RNF144B: variants seen among roughly 807,000 people sequenced by gnomAD.
The protein encoded by RNF144B is E3 ubiquitin-protein ligase RNF144B.
RNF144B carries 25 observed loss-of-function variants against 40.2 expected under a neutral mutation model. That is an observed-to-expected ratio of 0.62 (90% confidence interval 0.45 to 0.87). The LOEUF (loss-of-function observed/expected upper bound fraction) is 0.87, where lower values mean the gene tolerates loss of function less well. Ranked by LOEUF, RNF144B falls within the 40% of genes least tolerant of loss-of-function variation. The pLI is 0.00. For missense variants in RNF144B, 365 were observed against 373.7 expected (o/e 0.98, Z 0.19); for synonymous variants, 145 against 136.3 (o/e 1.06, Z -0.44).
chr6:18,403,631 C>T (rs927079567), intron 2 of RNF144B, among the ~76,000 whole-genome samples: 8 of 152,148 alleles, frequency 5.3e-5, no homozygotes, highest in South Asian at 4.1e-4. Flanking sequence ...TGGGGCCTGT[C>T]GGGTGACCTT....
intron 4 of RNF144B, among the ~76,000 whole-genome samples, chr6:18,453,981 G>T (rs1759273944): frequency 6.6e-6 from 1 of 152,162 alleles, no homozygotes; most frequent in South Asian, 2.1e-4. Context: ...GCTGTCATGG[G>T]TTTTGGTTAA....
chr6:18,393,301 A>G (rs1794624505), intron 1 of RNF144B, among the ~76,000 whole-genome samples: 1 of 152,152 alleles, frequency 6.6e-6, no homozygotes, highest in Admixed American at 6.6e-5. Context: ...TTGAATGACC[A>G]GAGAGCTGGT....
In RNF144B at chr6:18,405,687, A is replaced by G. The variant is rs1268120940; in HGVS notation, c.165+5988A>G. 6.6e-6 allele frequency among the ~76,000 whole-genome samples: 1 copy of G among 152,188 alleles called. No individual in the cohort carries two copies. The highest frequency in any genetic ancestry group is 1.5e-5 in the Non-Finnish European group (1 of 68,028). ...TTGGCACTATATTTTTCCACTGACA[A>G]CGGAGCCACTGCAGGGTCAGATGGC... On this transcript the variant is annotated intron_variant, in intron 2 of 7. Coordinates refer to ENST00000259939, the MANE Select transcript of RNF144B (RefSeq NM_182757.4). This position sits in a 1 kb window ranked among gnomAD's most constrained non-coding sequence, Gnocchi z 4.5.
At chr6:18,413,203 C>T (rs973776336) in intron 2 of RNF144B, among the ~76,000 whole-genome samples, 2 of 148,182 alleles carry the variant, frequency 1.3e-5, no homozygotes, top group East Asian at 2.5e-4. Context: ...TATGTGGTTC[C>T]TAAATTTTTT....
At position 18,459,331 on chromosome 6, in the gene RNF144B, A is replaced by G. The variant is rs1759401573; in HGVS notation, c.537-276A>G. Among the ~76,000 whole-genome samples, 1 of 152,204 alleles carries G rather than the reference A, an allele frequency of 6.6e-6. No individual in the cohort carries two copies. The highest frequency in any genetic ancestry group is 1.5e-5 in the Non-Finnish European group (1 of 68,034). On this transcript the variant is annotated intron_variant, in intron 5 of 7. Transcript: ENST00000259939. The surrounding 1 kb of genome is among the most constrained non-coding windows in gnomAD (Gnocchi z 4.2). ...ACTCCTTGCCATTCTTATTTAGGCA[A>G]TGCATGCTTAGGGAATGAAATATTA... is the stretch of plus-strand genomic sequence containing the variant.
rs72832482 is a variant in RNF144B at position 18,450,376 on chromosome 6, C to T, written c.332-6779C>T. Among the ~76,000 whole-genome samples the T allele has an allele frequency of 0.1, 15,542 of 151,928 alleles. 1,019 individuals are homozygous for T. Among genetic ancestry groups the T allele is most frequent in the Middle Eastern group, 0.16 (48 of 292 alleles). ...GCAGTGGCAATATTTCAGCTTACTG[C>T]GATCTCCGCCTCCCGGGTTCAAGTG... On this transcript the variant is annotated intron_variant, in intron 4 of 7. Coordinates refer to ENST00000259939, the MANE Select transcript of RNF144B (RefSeq NM_182757.4). The surrounding 1 kb of genome is among the most constrained non-coding windows in gnomAD (Gnocchi z 4.7).
At position 18,467,221 on chromosome 6, in the gene RNF144B, G is replaced by A. The variant is rs559305509; in HGVS notation, c.*2154G>A. 3 of 152,598 alleles carry A rather than the reference G, an allele frequency of 2.0e-5. No homozygotes were observed. Among genetic ancestry groups the A allele is most frequent in the South Asian group, 2.1e-4 (1 of 4,830 alleles). The allele number at this position is 152,598 out of a possible 1,614,324, so 9.5% of individuals were successfully genotyped here. On this transcript the variant is annotated 3_prime_UTR_variant, in exon 8 of 8. Coordinates refer to ENST00000259939, the MANE Select transcript of RNF144B (RefSeq NM_182757.4). ...TCTGTCAGTAAACTCTTTAAGCTTG[G>A]TGCTGCAAAGAGTCTTTAAATGGGG...
rs1238754392 is a variant in RNF144B at position 18,398,790 on chromosome 6, C to A, written c.-36-709C>A. On this transcript the variant is annotated intron_variant, in intron 1 of 7. Transcript: ENST00000259939. The surrounding 1 kb of genome is among the most constrained non-coding windows in gnomAD (Gnocchi z 5.0). ...TGGGTGTACAAATATCTCTTTGAGACCCTGCTTTCAGTTCTTTTGGGTATA... is the reference window on the plus strand; with the variant it reads ...TGGGTGTACAAATATCTCTTTGAGAACCTGCTTTCAGTTCTTTTGGGTATA... Among the ~76,000 whole-genome samples, 2 of 152,188 alleles carry A rather than the reference C, an allele frequency of 1.3e-5. No individual in the cohort carries two copies. Among genetic ancestry groups the A allele is most frequent in the African/African-American group, 4.8e-5 (2 of 41,444 alleles).
At chr6:18,449,059 G>A (rs1221904088) in intron 4 of RNF144B, among the ~76,000 whole-genome samples, 2 of 152,144 alleles carry the variant, frequency 1.3e-5, no homozygotes, top group Admixed American at 6.5e-5. Context: ...GTGTTAGATG[G>A]TTTCTATAGT....
Position 18,427,681 on chromosome 6 carries a change from C to T in RNF144B, c.266C>T (p.Ala89Val), listed in dbSNP as rs199817404. 129 of 1,596,904 alleles carry T rather than the reference C, an allele frequency of 8.1e-5. 1 individual carries two copies. The East Asian group carries it at 1.9e-3, about 23-fold the overall frequency. The change falls in exon 3 of 8, where the codon GCT becomes GTT. Residue 89 changes from alanine (A) to valine (V), a missense_variant. Physicochemically the swap from Ala to Val is moderately conservative, Grantham distance 64. Transcript: ENST00000259939. Reference protein sequence around the residue: ...VCLNHGTLQEAEIACLVPVDQ... With the variant: ...VCLNHGTLQEVEIACLVPVDQ... Reference sequence around the variant, plus strand: ...CTAAACCACGGGACCCTGCAGGAAGCTGAGGTATGAATGACTACCATCATC... The same window carrying T: ...CTAAACCACGGGACCCTGCAGGAAGTTGAGGTATGAATGACTACCATCATC...
Position 18,399,626 on chromosome 6 carries a change from A to G in RNF144B, c.92A>G (p.Lys31Arg). The change falls in exon 2 of 8, where the codon AAA becomes AGA. Residue 31 changes from lysine (K) to arginine (R), a missense_variant. Lys to Arg is a conservative substitution (Grantham distance 26, BLOSUM62 2). Transcript: ENST00000259939. ...DLAPAPLITCKLCLCEQSLDK... is the reference protein window; with the variant it reads ...DLAPAPLITCRLCLCEQSLDK... ...GCTCCGGCCCCCCTCATCACTTGCA[A>G]ACTCTGCCTGTGTGAGCAGTCTCTG... 1.9e-6 allele frequency: 3 copies of G among 1,614,110 alleles called. No homozygotes were observed. Among genetic ancestry groups the G allele is most frequent in the Non-Finnish European group, 2.5e-6 (3 of 1,180,006 alleles).
chr6:18,462,149 T>G (rs1284556145), intron 6 of RNF144B, among the ~76,000 whole-genome samples: 1 of 152,184 alleles, frequency 6.6e-6, no homozygotes, highest in Non-Finnish European at 1.5e-5. Flanking sequence ...ACCCCTCTAT[T>G]TATCTTTCCT....
rs994403388 is a variant in RNF144B at position 18,443,349 on chromosome 6, G to A, written c.331+3605G>A. On this transcript the variant is annotated intron_variant, in intron 4 of 7. Transcript: ENST00000259939. This position sits in a 1 kb window ranked among gnomAD's most constrained non-coding sequence, Gnocchi z 4.7. Reference sequence around the variant, plus strand: ...ACGAACTCTGCCCACTGCAACTTCCGCCTCCTGGGTTCAAGCGATTCTCCT... The same window carrying A: ...ACGAACTCTGCCCACTGCAACTTCCACCTCCTGGGTTCAAGCGATTCTCCT... Among the ~76,000 whole-genome samples the A allele has an allele frequency of 5.3e-5, 8 of 152,020 alleles. No individual in the cohort carries two copies. Among genetic ancestry groups the A allele is most frequent in the East Asian group, 3.9e-4 (2 of 5,190 alleles).
At position 18,465,049 on chromosome 6, in the gene RNF144B, C is replaced by T. The variant is rs754333065; in HGVS notation, c.894C>T (p.His298=). 1.1e-5 allele frequency: 18 copies of T among 1,613,690 alleles called. No homozygotes were observed. Among genetic ancestry groups the T allele is most frequent in the Admixed American group, 3.3e-5 (2 of 59,948 alleles). ...CCTGTCGGGGCAAGAAGAAAAAGCA[C>T]GACCCATCCACAACCTAAAGATCTC... ...CKSCRGKKKK[H]DPSTT The change falls in exon 8 of 8, where the codon CAC becomes CAT. Residue 298 remains histidine, a synonymous_variant. Coordinates refer to ENST00000259939, the MANE Select transcript of RNF144B (RefSeq NM_182757.4).
At chr6:18,437,508 A>G (rs1186131873) in intron 3 of RNF144B, among the ~76,000 whole-genome samples, 2 of 152,188 alleles carry the variant, frequency 1.3e-5, no homozygotes, top group South Asian at 2.1e-4. Flanking sequence ...GGTGCATTCT[A>G]TGGGTGTCTT....
chr6:18,403,997 T>TGGCA (rs1415734758), intron 2 of RNF144B, among the ~76,000 whole-genome samples: 3 of 152,138 alleles, frequency 2.0e-5, no homozygotes, highest in Non-Finnish European at 2.9e-5. Flanking sequence ...ACCTAGAGAG[T>TGGCA]GGCACCAAGC....
In RNF144B at chr6:18,444,473, T is replaced by TG. The variant is rs1484836927; in HGVS notation, c.331+4730dup. Among the ~76,000 whole-genome samples the TG allele has an allele frequency of 2.0e-5, 3 of 152,204 alleles. No individual in the cohort carries two copies. Among genetic ancestry groups the TG allele is most frequent in the African/African-American group, 7.2e-5 (3 of 41,466 alleles). ...CTACTTTTTCAAAATAGTTTTTTTTTGAAAATTGGGTTAAGATGATCCATC... is the reference window on the plus strand; with the variant it reads ...CTACTTTTTCAAAATAGTTTTTTTTTGGAAAATTGGGTTAAGATGATCCATC... On this transcript the variant is annotated intron_variant, in intron 4 of 7. Transcript: ENST00000259939. The surrounding 1 kb of genome is among the most constrained non-coding windows in gnomAD (Gnocchi z 4.3).
Position 18,447,729 on chromosome 6 carries a change from C to T in RNF144B, c.331+7985C>T, listed in dbSNP as rs1480938929. ...ACATCTGGATTATATGAGTCAGGAT[C>T]AGTAGTATAAACTTTGGAATCGTCA... On this transcript the variant is annotated intron_variant, in intron 4 of 7. Coordinates refer to ENST00000259939, the MANE Select transcript of RNF144B (RefSeq NM_182757.4). This position sits in a 1 kb window ranked among gnomAD's most constrained non-coding sequence, Gnocchi z 5.6. Among the ~76,000 whole-genome samples, 1 of 152,122 alleles carries T rather than the reference C, an allele frequency of 6.6e-6. No homozygotes were observed. Among genetic ancestry groups the T allele is most frequent in the Non-Finnish European group, 1.5e-5 (1 of 68,024 alleles).
rs1758978519 is a variant in RNF144B at position 18,442,104 on chromosome 6, G to GGA, written c.331+2360_331+2361insGA. Among the ~76,000 whole-genome samples, 1 of 152,064 alleles carries GGA rather than the reference G, an allele frequency of 6.6e-6. No individual in the cohort carries two copies. The highest frequency in any genetic ancestry group is 6.5e-5 in the Admixed American group (1 of 15,276). On this transcript the variant is annotated intron_variant, in intron 4 of 7. Transcript: ENST00000259939. This position sits in a 1 kb window ranked among gnomAD's most constrained non-coding sequence, Gnocchi z 4.3. ...ATCCATCGTTATGTGGGGCAAGGTA[G>GGA]ATGTGGAAAATCATTGGCTAAGATT...
Sources: gnomAD v4.1 joint callset for allele counts (sites outside exome capture counted in the v4.1 genomes callset) on GRCh38, gnomAD v4.1.1 for gene constraint, Gnocchi (gnomAD v3.1) non-coding constraint, MANE v1.5 for transcripts, NCBI Gene and HGNC (gene_info 2026-07-23, HGNC 2026-07-21) for gene names.